Variants in GRID2 observed in about 807,000 individuals in gnomAD.
GRID2 encodes glutamate ionotropic receptor delta type subunit 2.
Under a neutral mutation model 114.8 loss-of-function variants are expected in GRID2, and 33 were observed. That is an observed-to-expected ratio of 0.29 (90% CI 0.22 to 0.38). The LOEUF (loss-of-function observed/expected upper bound fraction) is 0.38, where lower values mean the gene tolerates loss of function less well. GRID2 is among the 10% of genes least tolerant of loss of function. The pLI is 1.00. For missense variants in GRID2, 1,184 were observed against 1,257.7 expected (o/e 0.94, Z 0.89); for synonymous variants, 505 against 449.9 (o/e 1.12, Z -1.55).
chr4:92,940,546 G>T (rs935973110), intron 2 of GRID2, among the ~76,000 whole-genome samples: 6 of 152,110 alleles, frequency 3.9e-5, no homozygotes, highest in Non-Finnish European at 1.5e-5. Context: ...TTTCCTAATT[G>T]AATGCCCTTT....
At chr4:93,510,064 T>G (rs1729015227) in intron 12 of GRID2, among the ~76,000 whole-genome samples, 1 of 152,176 alleles carries the variant, frequency 6.6e-6, no homozygotes, top group Admixed American at 6.5e-5. Context: ...ATGCTTGTCA[T>G]ATACCCCTAT....
At chr4:93,525,054 A>G (rs1468153381) in intron 13 of GRID2, among the ~76,000 whole-genome samples, 1 of 151,890 alleles carries the variant, frequency 6.6e-6, no homozygotes, top group African/African-American at 2.4e-5. Flanking sequence ...TAATTCATCT[A>G]TTCATTCACT....
intron 12 of GRID2, among the ~76,000 whole-genome samples, chr4:93,498,903 G>A (rs145636209): frequency 1.4e-4 from 21 of 151,944 alleles, no homozygotes; most frequent in African/African-American, 4.8e-4. Flanking sequence ...GACATTATCT[G>A]TAAAGTTTTT....
At chr4:92,979,889 C>T (rs1183249399) in intron 2 of GRID2, among the ~76,000 whole-genome samples, 1 of 152,136 alleles carries the variant, frequency 6.6e-6, no homozygotes, top group South Asian at 2.1e-4. Context: ...GAAATTTAGT[C>T]TCTTGTATGG....
At chr4:92,726,561 T>G (rs988514010) in intron 2 of GRID2, among the ~76,000 whole-genome samples, 3 of 152,142 alleles carry the variant, frequency 2.0e-5, no homozygotes, top group African/African-American at 7.2e-5. Context: ...TGATGAAATA[T>G]TTGAAAATTA....
intron 1 of GRID2, among the ~76,000 whole-genome samples, chr4:92,480,562 G>C (rs1036559737): frequency 6.6e-6 from 1 of 152,046 alleles, no homozygotes; most frequent in Non-Finnish European, 1.5e-5. Flanking sequence ...TCTCTCACAG[G>C]TCTCAAGGCT....
intron 7 of GRID2, among the ~76,000 whole-genome samples, chr4:93,235,463 C>T (rs1330302451): frequency 1.3e-5 from 2 of 152,014 alleles, no homozygotes; most frequent in Admixed American, 1.3e-4. Context: ...TTCACCAAGG[C>T]TCTGTTTTCA....
At chr4:92,575,065 T>G (rs2149196689) in intron 1 of GRID2, among the ~76,000 whole-genome samples, 1 of 152,346 alleles carries the variant, frequency 6.6e-6, no homozygotes, top group Admixed American at 6.5e-5. Context: ...AAATATAGTC[T>G]TCAAGTTCAG....
chr4:93,779,208 CTTT>C (rs5860347), downstream of GRID2, among the ~76,000 whole-genome samples: 1 of 144,220 alleles, frequency 6.9e-6, no homozygotes, highest in Admixed American at 6.9e-5. Context: ...GTCTCTTTCC[CTTT>C]TTTTTTTTTT....
rs553929586 is a variant in GRID2 at position 93,134,945 on chromosome 4, T to C, written c.735+23992T>C. ...TACCCTTTACTGAGTTTCACCGTGC[T>C]CTCTCTGAAAATAAAAGCTAATTCA... On this transcript the variant is annotated intron_variant, in intron 4 of 15. Transcript: ENST00000282020. 2.0e-5 allele frequency among the ~76,000 whole-genome samples: 3 copies of C among 152,196 alleles called. No individual in the cohort carries two copies. In the South Asian group the frequency reaches 6.2e-4, roughly 32 times the overall value.
chr4:93,438,899 T>C (rs1166977464), intron 10 of GRID2, among the ~76,000 whole-genome samples: 1 of 151,732 alleles, frequency 6.6e-6, no homozygotes, highest in Non-Finnish European at 1.5e-5. Flanking sequence ...GTTCTCATTG[T>C]TCAATTCCCA....
In GRID2 at chr4:93,533,365, TTC is replaced by T. The variant is rs148340371; in HGVS notation, c.2193+17964_2193+17965del. On this transcript the variant is annotated intron_variant, in intron 13 of 15. Transcript: ENST00000282020. Reference sequence around the variant, plus strand: ...TGCCCTCCCTCCCTCCCTTCCTTACTTCTCTCTCTCTTTCTTTCTTTCTTTCT... The same window carrying T: ...TGCCCTCCCTCCCTCCCTTCCTTACTTCTCTCTCTTTCTTTCTTTCTTTCT... 3.6e-4 allele frequency among the ~76,000 whole-genome samples: 46 copies of T among 127,842 alleles called. 1 individual carries two copies. In the East Asian group the frequency reaches 9.4e-3, roughly 26 times the overall value. 83.9% of individuals were successfully genotyped at this position (127,842 alleles called of 152,430 possible).
chr4:93,340,458 T>C (rs1418828612), intron 8 of GRID2, among the ~76,000 whole-genome samples: 1 of 152,134 alleles, frequency 6.6e-6, no homozygotes, highest in Non-Finnish European at 1.5e-5. Context: ...ATCTTACCTT[T>C]AGGGAGCCAT....
chr4:92,667,713 A>AC (rs916161510), intron 2 of GRID2, among the ~76,000 whole-genome samples: 1 of 151,598 alleles, frequency 6.6e-6, no homozygotes, highest in Non-Finnish European at 1.5e-5. Flanking sequence ...TAAAAAAAAT[A>AC]CCCCCTAGAG....
intron 14 of GRID2, among the ~76,000 whole-genome samples, chr4:93,671,378 T>C (rs1186898083): frequency 6.6e-6 from 1 of 152,136 alleles, no homozygotes; most frequent in Non-Finnish European, 1.5e-5. Context: ...TCTTGGGACA[T>C]GAGCACTGCA....
chr4:92,768,053 A>G (rs965647904), intron 2 of GRID2, among the ~76,000 whole-genome samples: 3 of 152,188 alleles, frequency 2.0e-5, no homozygotes, highest in South Asian at 2.1e-4. Flanking sequence ...AAATATTTTC[A>G]TCCTCAATAA....
intron 2 of GRID2, among the ~76,000 whole-genome samples, chr4:92,607,494 C>T (rs1218301789): frequency 6.6e-6 from 1 of 151,860 alleles, no homozygotes; most frequent in Non-Finnish European, 1.5e-5. Flanking sequence ...CCGCAAGTTA[C>T]TGGTGAACAT....
chr4:93,225,010 A>G (rs542543572), intron 7 of GRID2, among the ~76,000 whole-genome samples: 2 of 152,252 alleles, frequency 1.3e-5, no homozygotes, highest in East Asian at 1.9e-4. Context: ...TGGTTGAGAT[A>G]TACCCACTTG....
chr4:93,110,950 T>G lies in GRID2; in HGVS notation c.732T>G (p.Thr244=). The change falls in exon 4 of 16, where the codon ACT becomes ACG. Residue 244 remains threonine (T), a synonymous_variant. Coordinates refer to ENST00000282020, the MANE Select transcript of GRID2 (RefSeq NM_001510.4). ...MNPATAKSFI[T]EVVETNLVAF... ...CTGCTACAGCCAAATCCTTCATTAC[T>G]GAGGTAAGTGAAAATTGTCTTGGGG... The G allele has an allele frequency of 6.3e-7, 1 of 1,595,068 alleles. No homozygotes were observed. The highest frequency in any genetic ancestry group is 8.6e-7 in the Non-Finnish European group (1 of 1,162,598).
Sources: gnomAD v4.1 joint callset for allele counts (sites outside exome capture counted in the v4.1 genomes callset) on GRCh38, gnomAD v4.1.1 for gene constraint, MANE v1.5 for transcripts, NCBI Gene and HGNC (gene_info 2026-07-23, HGNC 2026-07-21) for gene names.